USP42: variants seen among roughly 807,000 people sequenced by gnomAD.
USP42 encodes ubiquitin carboxyl-terminal hydrolase 42.
USP42 carries 23 observed loss-of-function variants against 113.0 expected under a neutral mutation model. The ratio of observed to expected loss-of-function variants is 0.20; its 90% CI spans 0.15 to 0.29. USP42 has a LOEUF of 0.29. USP42 is among the 10% of genes least tolerant of loss of function. The probability of loss-of-function intolerance (pLI) is 1.00; values close to 1 mark genes in which losing one functional copy is unlikely to be tolerated. For synonymous variants in USP42, 933 were observed against 699.0 expected, an observed-to-expected ratio of 1.33 and a Z score of -5.28; for missense variants, 2,174 against 1,779.8, an observed-to-expected ratio of 1.22 and a Z score of -3.99.
At chr7:6,111,491 G>T in intron 2 of USP42, 117 bp downstream of exon 2, 1 of 1,233,476 alleles carries the variant, frequency 8.1e-7, no homozygotes. Flanking sequence ...TGAGTGGCCA[G>T]CAGAGTTGTA....
chr7:6,127,496 C>G (rs954147101), intron 3 of USP42, among the ~76,000 whole-genome samples: 1 of 149,094 alleles, frequency 6.7e-6, no homozygotes, highest in African/African-American at 2.5e-5. Context: ...GTTTTTTTGT[C>G]TGGATGTCAT....
intron 7 of USP42, among the ~76,000 whole-genome samples, chr7:6,141,193 TTTCTTTTC>T (rs1781408846): frequency 6.7e-6 from 1 of 149,892 alleles, no homozygotes; most frequent in African/African-American, 2.5e-5. Context: ...GAATTTTCTT[TTTCTTTTC>T]TTTTTTTTTT....
intron 6 of USP42, 97 bp downstream of exon 6, chr7:6,140,292 AGT>A: frequency 9.0e-7 from 1 of 1,115,926 alleles, no homozygotes; most frequent in Non-Finnish European, 1.3e-6. Flanking sequence ...AGGAAGGAAA[AGT>A]GCTTCTCTCC....
At chr7:6,123,626 G>A (rs1013534880) in intron 3 of USP42, among the ~76,000 whole-genome samples, 2 of 151,936 alleles carry the variant, frequency 1.3e-5, no homozygotes, top group Admixed American at 1.3e-4. Flanking sequence ...TCGCGCCACT[G>A]CACTCCAGCC....
chr7:6,138,741 A>T (rs1157326237), intron 4 of USP42, among the ~76,000 whole-genome samples: 1 of 152,062 alleles, frequency 6.6e-6, no homozygotes, highest in African/African-American at 2.4e-5. Context: ...AGCAGCGCCA[A>T]CCCTATTGTG....
chr7:6,134,432 C>G (rs761867418), intron 3 of USP42, among the ~76,000 whole-genome samples: 1 of 152,038 alleles, frequency 6.6e-6, no homozygotes, highest in Non-Finnish European at 1.5e-5. Flanking sequence ...TTTTGTATTT[C>G]TTTAAAAAAT....
In USP42 at chr7:6,139,171, A is replaced by G. The variant is rs1323875550; in HGVS notation, c.633A>G (p.Lys211=). Residue 211 remains lysine, a synonymous_variant, in exon 5 of 18, where the codon AAA becomes AAG. Coordinates refer to ENST00000306177, the MANE Select transcript of USP42 (RefSeq NM_032172.3). This position sits in a 1 kb window ranked among gnomAD's most constrained non-coding sequence, Gnocchi z 4.5. ...AATACACTGTTGATGCTATGCAGAA[A>G]GCATGCTTGAATGGCAGCAATAAGT... is the stretch of plus-strand genomic sequence containing the variant. The part of the protein sequence containing the change: ...FLQYTVDAMQ[K]ACLNGSNKLD... 6.8e-6 allele frequency: 11 copies of G among 1,607,100 alleles called. No individual in the cohort carries two copies. In the East Asian group the frequency reaches 1.1e-4, roughly 16 times the overall value.
chr7:6,110,536 C>A (rs1779543506), intron 1 of USP42, among the ~76,000 whole-genome samples: 1 of 152,052 alleles, frequency 6.6e-6, no homozygotes, highest in Non-Finnish European at 1.5e-5. Context: ...TTTAAAAAGT[C>A]ATACATTCCA....
intron 4 of USP42, among the ~76,000 whole-genome samples, chr7:6,137,954 C>G (rs1210089472): frequency 2.0e-5 from 3 of 152,330 alleles, no homozygotes; most frequent in African/African-American, 7.2e-5. Flanking sequence ...GTTGGAATTA[C>G]AGGTGTGAGC....
Position 6,154,781 on chromosome 7 carries a change from CCTT to C in USP42, c.3229_3231del (p.Phe1077del), listed in dbSNP as rs770193492. 6.4e-7 allele frequency: 1 copy of C among 1,550,762 alleles called. No individual in the cohort carries two copies. The highest frequency in any genetic ancestry group is 1.2e-5 in the South Asian group (1 of 84,092). The stretch of plus-strand genomic sequence containing the variant: ...CTGTACGCTGCCCGGGACTGGAAGC[CCTT>C]CCACGGCGGCCGCGAGCACGAGCGG... On this transcript the variant is annotated inframe_deletion, in exon 15 of 18. Coordinates refer to ENST00000306177, the MANE Select transcript of USP42 (RefSeq NM_032172.3).
chr7:6,144,762 C>T (rs969077018), intron 9 of USP42, among the ~76,000 whole-genome samples: 7 of 151,720 alleles, frequency 4.6e-5, no homozygotes, highest in Middle Eastern at 6.8e-3. Flanking sequence ...CCTAGCTACT[C>T]GGGAGGCTGA....
At chr7:6,127,259 G>A (rs769935631) in intron 3 of USP42, among the ~76,000 whole-genome samples, 1 of 152,148 alleles carries the variant, frequency 6.6e-6, no homozygotes, top group Non-Finnish European at 1.5e-5. Flanking sequence ...CATCCACTTA[G>A]TGGTTGTTTT....
intron 3 of USP42, among the ~76,000 whole-genome samples, chr7:6,133,040 G>A (rs924953398): frequency 7.9e-5 from 12 of 152,148 alleles, no homozygotes; most frequent in Non-Finnish European, 1.5e-4. Flanking sequence ...CCTTTGTGTA[G>A]TTTTCTTCAT....
chr7:6,145,133 AC>A (rs1781641338), intron 9 of USP42, among the ~76,000 whole-genome samples: 1 of 151,942 alleles, frequency 6.6e-6, no homozygotes, highest in Non-Finnish European at 1.5e-5. Context: ...GGCGTTCAAG[AC>A]CAGCCTAGCC....
the USP42 span, among the ~76,000 whole-genome samples, chr7:6,089,317 G>A: frequency 6.7e-6 from 1 of 150,062 alleles, no homozygotes; most frequent in African/African-American, 2.5e-5. Context: ...GCCTCCCAAA[G>A]TGCTGGGACT....
rs765430920 is a variant in USP42, at chr7:6,154,705, C to T, written c.3151C>T (p.Pro1051Ser). Reference protein sequence around the residue: ...ERGWGREKFYPDRPRWDRCRY... With the variant: ...ERGWGREKFYSDRPRWDRCRY... ...TGGCTGGGGCCGGGAGAAGTTCTACCCCGACAGGCCGCGCTGGGACAGGTG... is the reference window on the plus strand; with the variant it reads ...TGGCTGGGGCCGGGAGAAGTTCTACTCCGACAGGCCGCGCTGGGACAGGTG... The change falls in exon 15 of 18, where the codon CCC becomes TCC. Residue 1051 changes from proline to serine, a missense_variant. Coordinates refer to ENST00000306177, the MANE Select transcript of USP42 (RefSeq NM_032172.3). The T allele has an allele frequency of 3.1e-6, 5 of 1,599,172 alleles. No individual in the cohort carries two copies. In the African/African-American group the frequency reaches 4.0e-5, roughly 13 times the overall value.
chr7:6,111,088 C>A, intron 1 of USP42, 37 bp from the exon 2 acceptor site: 1 of 1,579,796 alleles, frequency 6.3e-7, no homozygotes. Flanking sequence ...GCTTTTCTCA[C>A]CTGATGAAAC....
the USP42 span, among the ~76,000 whole-genome samples, chr7:6,099,561 G>A: frequency 5.3e-5 from 8 of 150,502 alleles, no homozygotes; most frequent in East Asian, 1.2e-3. Flanking sequence ...TTGGGCAGGC[G>A]GGTCTCAAAC....
At chr7:6,092,137 TTCTTCC>T in the USP42 span, among the ~76,000 whole-genome samples, 5 of 145,640 alleles carry the variant, frequency 3.4e-5, no homozygotes, top group Admixed American at 7.0e-5. Flanking sequence ...CTTCTTCTTC[TTCTTCC>T]TCTTCCTCTT....
Sources: gnomAD v4.1 joint callset for allele counts (sites outside exome capture counted in the v4.1 genomes callset) on GRCh38, gnomAD v4.1.1 for gene constraint, Gnocchi (gnomAD v3.1) non-coding constraint, MANE v1.5 for transcripts, NCBI Gene and HGNC (gene_info 2026-07-23, HGNC 2026-07-21) for gene names.